Variants in GALNT13 observed in about 807,000 individuals in gnomAD.
GALNT13 encodes the protein UDP-GalNAc:polypeptide N-acetylgalactosaminyltransferase 13.
Under a neutral mutation model 64.2 loss-of-function variants are expected in GALNT13, and 28 were observed. The ratio of observed to expected loss-of-function variants is 0.44; its 90% CI spans 0.32 to 0.60. GALNT13 has a LOEUF of 0.60. Among genes scored for constraint, GALNT13 ranks in the 20% least tolerant of loss-of-function variants. The probability of loss-of-function intolerance (pLI) is 0.05; values close to 1 mark genes in which losing one functional copy is unlikely to be tolerated. For missense variants in GALNT13, 577 were observed against 669.8 expected, an observed-to-expected ratio of 0.86 and a Z score of 1.53; for synonymous variants, 214 against 224.6, an observed-to-expected ratio of 0.95 and a Z score of 0.42.
At chr2:154,159,128 T>C (rs1684591162) in intron 4 of GALNT13, among the ~76,000 whole-genome samples, 1 of 151,818 alleles carries the variant, frequency 6.6e-6, no homozygotes, top group South Asian at 2.1e-4. Flanking sequence ...TTTATTTATT[T>C]ATTTATTCAT....
intron 2 of GALNT13, among the ~76,000 whole-genome samples, chr2:153,921,235 A>G (rs532787277): frequency 4.6e-5 from 7 of 152,170 alleles, no homozygotes; most frequent in Non-Finnish European, 7.3e-5. Context: ...ATTCCCATCA[A>G]TGGTAGACTG....
the GALNT13 span, among the ~76,000 whole-genome samples, chr2:153,689,857 GA>G: frequency 6.6e-6 from 1 of 151,954 alleles, no homozygotes; most frequent in Non-Finnish European, 1.5e-5. Flanking sequence ...GGAGAATCTT[GA>G]ATCTGTTTTT....
chr2:153,153,891 G>A, the GALNT13 span, among the ~76,000 whole-genome samples: 1 of 151,806 alleles, frequency 6.6e-6, no homozygotes, highest in East Asian at 1.9e-4. Context: ...GCTTTTTTTG[G>A]TTCCTTATGA....
chr2:153,284,244 T>C, the GALNT13 span, among the ~76,000 whole-genome samples: 3 of 152,160 alleles, frequency 2.0e-5, no homozygotes, highest in Non-Finnish European at 4.4e-5. Context: ...GAGCTGGCCC[T>C]GGCTGTAGCT....
chr2:154,102,783 G>A (rs576336398), intron 3 of GALNT13, among the ~76,000 whole-genome samples: 10 of 152,014 alleles, frequency 6.6e-5, no homozygotes, highest in Non-Finnish European at 1.0e-4. Flanking sequence ...CTTAAGTTTC[G>A]TAATATTTGT....
chr2:154,227,599 C>T (rs964387176), intron 4 of GALNT13, among the ~76,000 whole-genome samples: 6 of 150,378 alleles, frequency 4.0e-5, no homozygotes, highest in African/African-American at 1.2e-4. Context: ...TTTGTCCTTG[C>T]GATAGTTTGC....
rs1449203759 is a variant in GALNT13 at position 154,451,734 on chromosome 2, T to G, written c.*1183T>G. 1 of 152,102 alleles carries G rather than the reference T, an allele frequency of 6.6e-6. No homozygotes were observed. Among genetic ancestry groups the G allele is most frequent in the Non-Finnish European group, 1.5e-5 (1 of 68,016 alleles). 9.4% of individuals were successfully genotyped at this position (152,102 alleles called of 1,614,324 possible). A position where few individuals can be genotyped will look rare whatever the true frequency, so the allele number is the denominator to read the frequency against. On this transcript the variant is annotated 3_prime_UTR_variant, in exon 13 of 13. Transcript: ENST00000392825. Reference sequence around the variant, plus strand: ...AAAACCCTTTATGTTCAAAATACATTAGCAGAGGCCATGAAAGTGAAAAAA... The same window carrying G: ...AAAACCCTTTATGTTCAAAATACATGAGCAGAGGCCATGAAAGTGAAAAAA...
chr2:153,275,397 T>C, the GALNT13 span, among the ~76,000 whole-genome samples: 1 of 152,152 alleles, frequency 6.6e-6, no homozygotes, highest in African/African-American at 2.4e-5. Flanking sequence ...GCTACTTCCT[T>C]GTGAATGGGA....
chr2:153,855,111 G>A, the GALNT13 span, among the ~76,000 whole-genome samples: 42 of 151,990 alleles, frequency 2.8e-4, no homozygotes, highest in Non-Finnish European at 5.0e-4. Context: ...GCAAGAAATA[G>A]AATAGTTTCC....
chr2:154,374,232 G>A (rs1011804408), intron 9 of GALNT13, among the ~76,000 whole-genome samples: 4 of 152,258 alleles, frequency 2.6e-5, no homozygotes, highest in Admixed American at 6.5e-5. Context: ...TCTAATATTC[G>A]GTAAGCATCA....
chr2:153,415,910 G>A, the GALNT13 span, among the ~76,000 whole-genome samples: 6 of 152,250 alleles, frequency 3.9e-5, no homozygotes, highest in East Asian at 1.2e-3. Context: ...TTGTTTACAA[G>A]ATGAAGTGAA....
the GALNT13 span, among the ~76,000 whole-genome samples, chr2:153,731,281 A>G: frequency 6.6e-6 from 1 of 151,934 alleles, no homozygotes; most frequent in Non-Finnish European, 1.5e-5. Context: ...GTTCTCATGT[A>G]TAAGTGGAAG....
At chr2:153,260,463 T>A in the GALNT13 span, among the ~76,000 whole-genome samples, 3 of 152,214 alleles carry the variant, frequency 2.0e-5, no homozygotes, top group South Asian at 6.2e-4. Context: ...ATATGTTCAC[T>A]GGATATACTA....
intron 8 of GALNT13, among the ~76,000 whole-genome samples, chr2:154,262,490 G>A (rs1690753824): frequency 6.6e-6 from 1 of 152,160 alleles, no homozygotes; most frequent in Admixed American, 6.5e-5. Context: ...ATCTACCAGA[G>A]AACAGCAGTT....
intron 4 of GALNT13, among the ~76,000 whole-genome samples, chr2:154,150,338 T>G (rs1051651318): frequency 6.6e-6 from 1 of 151,972 alleles, no homozygotes; most frequent in African/African-American, 2.4e-5. Flanking sequence ...GCCAGTATTT[T>G]ATTGAGGATT....
At chr2:153,497,129 C>T in the GALNT13 span, among the ~76,000 whole-genome samples, 2 of 151,652 alleles carry the variant, frequency 1.3e-5, no homozygotes, top group East Asian at 3.9e-4. Context: ...GCAATTAAAA[C>T]ATGCCTGTTG....
intron 4 of GALNT13, among the ~76,000 whole-genome samples, chr2:154,152,050 T>G (rs180953453): frequency 0.13 from 19,768 of 152,156 alleles, 1,421 homozygotes; most frequent in South Asian, 0.21. Flanking sequence ...ATTTGGCATG[T>G]TTTTGCAGTG....
intron 9 of GALNT13, among the ~76,000 whole-genome samples, chr2:154,329,068 TG>T (rs1443307185): frequency 2.0e-5 from 3 of 152,128 alleles, no homozygotes; most frequent in Non-Finnish European, 4.4e-5. Flanking sequence ...TTATAGATGT[TG>T]AAAGTGTTTT....
chr2:154,437,868 A>G (rs1559154879), intron 11 of GALNT13: 2 of 221,894 alleles, frequency 9.0e-6, no homozygotes, highest in South Asian at 9.8e-5. Context: ...AAAAAAAAAA[A>G]AAACCCTCAT....
Sources: gnomAD v4.1 joint callset for allele counts (sites outside exome capture counted in the v4.1 genomes callset) on GRCh38, gnomAD v4.1.1 for gene constraint, MANE v1.5 for transcripts, NCBI Gene and HGNC (gene_info 2026-07-23, HGNC 2026-07-21) for gene names.